PIEZO2: variants seen among roughly 807,000 people sequenced by gnomAD.
The protein encoded by PIEZO2 is piezo type mechanosensitive ion channel component 2.
In PIEZO2, 172 loss-of-function variants were observed where a neutral mutation model predicts 337.3. That is an observed-to-expected ratio of 0.51 (90% CI 0.45 to 0.58). The LOEUF (loss-of-function observed/expected upper bound fraction) is 0.58. Ranked by LOEUF, PIEZO2 falls within the 20% of genes least tolerant of loss-of-function variation. The pLI, the probability that PIEZO2 is intolerant of heterozygous loss-of-function variation, is 0.00. For synonymous variants in PIEZO2, 1,251 were observed against 1,228.5 expected (o/e 1.02, Z -0.38); for missense variants, 3,028 against 3,391.3 (o/e 0.89, Z 2.66).
In PIEZO2 at chr18:10,856,986, G is replaced by A. The variant is rs879170926; in HGVS notation, c.703+15C>T. ...GTGCCTTTTGCTACGTGCAGCCAGT[G>A]TGGGAGACACTCACCCGAGGAGCCC... On this transcript the variant is annotated intron_variant, in intron 6 of 55. Transcript: ENST00000674853. This position sits in a 1 kb window ranked among gnomAD's most constrained non-coding sequence, Gnocchi z 4.7. The A allele has an allele frequency of 6.5e-7, 1 of 1,536,314 alleles. No individual in the cohort carries two copies. Among genetic ancestry groups the A allele is most frequent in the South Asian group, 1.2e-5 (1 of 84,038 alleles).
At chr18:10,789,652 A>C (rs1403251976) in intron 14 of PIEZO2, among the ~76,000 whole-genome samples, 1 of 152,228 alleles carries the variant, frequency 6.6e-6, no homozygotes. Flanking sequence ...AAGTACTGTG[A>C]GATGTAAAAA....
At position 10,856,335 on chromosome 18, in the gene PIEZO2, G is replaced by C. The variant is rs1277732374; in HGVS notation, c.703+666C>G. ...GGTTTATTTCTTGAGAAATTCTACT[G>C]TCATTTCCCCCATTTTTCCCACTAT... On this transcript the variant is annotated intron_variant, in intron 6 of 55. Transcript: ENST00000674853. This position sits in a 1 kb window ranked among gnomAD's most constrained non-coding sequence, Gnocchi z 4.7. Among the ~76,000 whole-genome samples the C allele has an allele frequency of 6.6e-6, 1 of 152,086 alleles. No individual in the cohort carries two copies. The highest frequency in any genetic ancestry group is 1.9e-4 in the East Asian group (1 of 5,200).
intron 3 of PIEZO2, among the ~76,000 whole-genome samples, chr18:10,938,115 A>C (rs2032507553): frequency 6.6e-6 from 1 of 152,204 alleles, no homozygotes; most frequent in Admixed American, 6.5e-5. Context: ...CTAATTCATC[A>C]AAATGGGAAG....
intron 3 of PIEZO2, among the ~76,000 whole-genome samples, chr18:10,939,491 A>C (rs922227391): frequency 2.6e-5 from 4 of 152,222 alleles, no homozygotes; most frequent in African/African-American, 9.6e-5. Context: ...AACACTATTT[A>C]CAATAGCAAA....
Position 10,918,662 on chromosome 18 carries a change from A to G in PIEZO2, c.287-7434T>C, listed in dbSNP as rs552562546. 2.7e-3 allele frequency among the ~76,000 whole-genome samples: 409 copies of G among 152,168 alleles called. 4 individuals are homozygous for G. Among genetic ancestry groups the G allele is most frequent in the African/African-American group, 8.4e-3 (350 of 41,580 alleles). Reference sequence around the variant, plus strand: ...TTTACAAAACGTGAAAATACTAAAAATCTTTTATTTTTGCATAGACTCCCC... The same window carrying G: ...TTTACAAAACGTGAAAATACTAAAAGTCTTTTATTTTTGCATAGACTCCCC... On this transcript the variant is annotated intron_variant, in intron 3 of 55. Coordinates refer to ENST00000674853, the MANE Select transcript of PIEZO2 (RefSeq NM_001378183.1).
In PIEZO2 at chr18:10,855,205, C is replaced by T. The variant is rs2144691815; in HGVS notation, c.917+148G>A. On this transcript the variant is annotated intron_variant, in intron 7 of 55. Coordinates refer to ENST00000674853, the MANE Select transcript of PIEZO2 (RefSeq NM_001378183.1). The surrounding 1 kb of genome is among the most constrained non-coding windows in gnomAD (Gnocchi z 4.9). ...CATCCAATACAATGAAAGTGCTAGA[C>T]TGCTTCACCCACCCCCACAAAATCT... 1.5e-6 allele frequency: 1 copy of T among 686,538 alleles called. No individual in the cohort carries two copies. The highest frequency in any genetic ancestry group is 1.8e-5 in the South Asian group (1 of 54,344). The allele number at this position is 686,538 out of a possible 1,614,324, so 42.5% of individuals were successfully genotyped here. A position where few individuals can be genotyped will look rare whatever the true frequency, so the allele number is the denominator to read the frequency against.
intron 7 of PIEZO2, among the ~76,000 whole-genome samples, chr18:10,814,730 A>G (rs955092851): frequency 6.6e-6 from 1 of 152,056 alleles, no homozygotes; most frequent in Non-Finnish European, 1.5e-5. Context: ...TGGGCTCCCT[A>G]TGGGAATTCC....
At position 10,982,728 on chromosome 18, in the gene PIEZO2, A is replaced by AT. The variant is rs113593129; in HGVS notation, c.161-3069dup. On this transcript the variant is annotated intron_variant, in intron 2 of 55. Transcript: ENST00000674853. This position sits in a 1 kb window ranked among gnomAD's most constrained non-coding sequence, Gnocchi z 4.1. ...ATGTTATAAAACCATATGTTTATTT[A>AT]TTTTTTTTTTGAGACAGGGTCTCAC... Among the ~76,000 whole-genome samples, 2,797 of 149,710 alleles carry AT rather than the reference A, an allele frequency of 0.019. 80 individuals are homozygous for AT. The highest frequency in any genetic ancestry group is 0.062 in the African/African-American group (2,542 of 40,884).
chr18:11,119,295 A>G (rs1224458322), intron 1 of PIEZO2, among the ~76,000 whole-genome samples: 2 of 152,052 alleles, frequency 1.3e-5, no homozygotes, highest in Non-Finnish European at 2.9e-5. Context: ...CTACAGGCCC[A>G]TGCCCAGCTA....
At chr18:10,725,716 C>G (rs1352133595) in intron 36 of PIEZO2, among the ~76,000 whole-genome samples, 1 of 152,216 alleles carries the variant, frequency 6.6e-6, no homozygotes, top group East Asian at 1.9e-4. Flanking sequence ...CACTTCCTCT[C>G]CGACTTCTCT....
chr18:10,794,832 A>T lies in PIEZO2; in HGVS notation c.1698T>A (p.Pro566=). The T allele has an allele frequency of 6.5e-7, 1 of 1,536,624 alleles. No individual in the cohort carries two copies. The highest frequency in any genetic ancestry group is 2.4e-5 in the East Asian group (1 of 40,922). ...ILQYIWSFEL[P]EIKKVPGFLE... is the part of the protein sequence containing the mutation. ...AAAATCCTGGAACTTTTTTAATTTC[A>T]GGAAGTTCAAAACTCCATATATACT... is the stretch of plus-strand genomic sequence containing the variant. Residue 566 remains proline, a synonymous_variant, in exon 13 of 56, where the codon CCT becomes CCA. Transcript: ENST00000674853. This position sits in a 1 kb window ranked among gnomAD's most constrained non-coding sequence, Gnocchi z 6.6.
chr18:10,814,861 A>G (rs2144401905), intron 7 of PIEZO2, among the ~76,000 whole-genome samples: 1 of 152,344 alleles, frequency 6.6e-6, no homozygotes, highest in East Asian at 1.9e-4. Flanking sequence ...CATGACAAGC[A>G]GCCTTGAAAG....
At chr18:10,840,595 T>C (rs928165246) in intron 7 of PIEZO2, among the ~76,000 whole-genome samples, 5 of 152,148 alleles carry the variant, frequency 3.3e-5, no homozygotes, top group South Asian at 4.1e-4. Context: ...AAGTAATCTA[T>C]TTATAGTAAA....
chr18:10,701,724 G>A (rs560534786), intron 43 of PIEZO2: 7 of 341,538 alleles, frequency 2.0e-5, no homozygotes, highest in Admixed American at 1.4e-4. Flanking sequence ...AACCTAGGTT[G>A]GAAACATGGG....
chr18:11,123,411 A>T (rs2040084546), intron 1 of PIEZO2, among the ~76,000 whole-genome samples: 1 of 152,242 alleles, frequency 6.6e-6, no homozygotes, highest in Non-Finnish European at 1.5e-5. Flanking sequence ...TTAAATTTCT[A>T]GACAAGTAAA....
intron 1 of PIEZO2, among the ~76,000 whole-genome samples, chr18:11,123,351 A>G (rs2040082609): frequency 6.6e-6 from 1 of 152,236 alleles, no homozygotes; most frequent in African/African-American, 2.4e-5. Context: ...ATGCTTTCCA[A>G]TGAAATGAAG....
In PIEZO2 at chr18:10,813,663, T is replaced by C. The variant is rs1735522173; in HGVS notation, c.918-6389A>G. On this transcript the variant is annotated intron_variant, in intron 7 of 55. Coordinates refer to ENST00000674853, the MANE Select transcript of PIEZO2 (RefSeq NM_001378183.1). This position sits in a 1 kb window ranked among gnomAD's most constrained non-coding sequence, Gnocchi z 4.2. The stretch of plus-strand genomic sequence containing the variant: ...TTCATCTGTTGATGGCACTTCCACC[T>C]TCTGACTATTGTTCATAACGCTGTT... Among the ~76,000 whole-genome samples the C allele has an allele frequency of 6.6e-6, 1 of 152,186 alleles. No homozygotes were observed. The highest frequency in any genetic ancestry group is 1.5e-5 in the Non-Finnish European group (1 of 68,032).
chr18:11,109,149 C>T lies in PIEZO2; in HGVS notation c.64+39376G>A, dbSNP rs1314594191. On this transcript the variant is annotated intron_variant, in intron 1 of 55. Transcript: ENST00000674853. The surrounding 1 kb of genome is among the most constrained non-coding windows in gnomAD (Gnocchi z 5.1). Reference sequence around the variant, plus strand: ...CTAAGGACGCTGAGTAAACAGTCTGCACAGCTTACAAACCACACATCTTGA... The same window carrying T: ...CTAAGGACGCTGAGTAAACAGTCTGTACAGCTTACAAACCACACATCTTGA... Among the ~76,000 whole-genome samples the T allele has an allele frequency of 6.6e-6, 1 of 152,172 alleles. No homozygotes were observed. The highest frequency in any genetic ancestry group is 2.4e-5 in the African/African-American group (1 of 41,440).
intron 2 of PIEZO2, among the ~76,000 whole-genome samples, chr18:11,043,325 A>G (rs1324114092): frequency 6.6e-6 from 1 of 152,194 alleles, no homozygotes; most frequent in African/African-American, 2.4e-5. Flanking sequence ...ACAATAAAAT[A>G]CAGCACATAC....
Sources: gnomAD v4.1 joint callset for allele counts (sites outside exome capture counted in the v4.1 genomes callset) on GRCh38, gnomAD v4.1.1 for gene constraint, Gnocchi (gnomAD v3.1) non-coding constraint, MANE v1.5 for transcripts, NCBI Gene and HGNC (gene_info 2026-07-23, HGNC 2026-07-21) for gene names.